Variants in PCDHGA9 observed in about 807,000 individuals in gnomAD.
PCDHGA9 encodes protocadherin gamma subfamily A, 9, also known as protocadherin gamma-A9.
Under a neutral mutation model 62.5 loss-of-function variants are expected in PCDHGA9, and 37 were observed. The observed-to-expected ratio is 0.59, with a 90% CI of 0.46 to 0.78. The LOEUF (loss-of-function observed/expected upper bound fraction) is 0.78. Ranked by LOEUF, PCDHGA9 falls within the 30% of genes least tolerant of loss-of-function variation. The pLI is 0.00. For synonymous variants in PCDHGA9, 459 were observed against 484.6 expected (o/e 0.95, Z 0.69); for missense variants, 1,138 against 1,166.2 (o/e 0.98, Z 0.35).
rs1264553327 is a variant in PCDHGA9, at chr5:141,403,819, T to A, written c.867T>A (p.Ser289=). ...YKFWKINEKQ[S]LLFQLNENTG... ...TCTGGAAAATTAATGAAAAACAATC[T>A]CTGCTATTCCAGCTTAATGAAAATA... The change falls in exon 1 of 4, where the codon TCT becomes TCA. Residue 289 remains serine (S), a synonymous_variant. Coordinates refer to ENST00000573521, the MANE Select transcript of PCDHGA9 (RefSeq NM_018921.3). 1.2e-6 allele frequency: 2 copies of A among 1,613,784 alleles called. No individual in the cohort carries two copies. Among genetic ancestry groups the A allele is most frequent in the Admixed American group, 3.3e-5 (2 of 60,024 alleles).
intron 1 of PCDHGA9, chr5:141,475,937 C>G (rs970582600): frequency 2.8e-5 from 19 of 676,764 alleles, no homozygotes; most frequent in African/African-American, 1.8e-4. Context: ...GGCCCCTGCC[C>G]GTCCCCTTTC....
At chr5:141,413,658 T>G (rs2154544690) in intron 1 of PCDHGA9, 1 of 1,613,860 alleles carries the variant, frequency 6.2e-7, no homozygotes, top group East Asian at 2.2e-5. Flanking sequence ...TCCCGGAAGC[T>G]ATTGATCCGG....
At chr5:141,423,397 C>T (rs759822483) in intron 1 of PCDHGA9, 3 of 1,614,146 alleles carry the variant, frequency 1.9e-6, no homozygotes, top group East Asian at 2.2e-5. Context: ...GCATAAGTCA[C>T]GCCTGCTGCA....
intron 1 of PCDHGA9, chr5:141,422,190 A>G (rs761351024): frequency 6.4e-7 from 1 of 1,561,412 alleles, no homozygotes. Flanking sequence ...TGGAAATTCA[A>G]GGCCAAGATG....
At chr5:141,466,027 CAGG>C (rs1174989171) in intron 1 of PCDHGA9, among the ~76,000 whole-genome samples, 1 of 151,890 alleles carries the variant, frequency 6.6e-6, no homozygotes, top group African/African-American at 2.4e-5. Context: ...GAGGGTGAGG[CAGG>C]AGAACGGCAT....
intron 1 of PCDHGA9, among the ~76,000 whole-genome samples, chr5:141,482,144 G>C (rs564178008): frequency 1.3e-4 from 20 of 151,858 alleles, no homozygotes; most frequent in Admixed American, 9.8e-4. Flanking sequence ...GGCATAAAAA[G>C]GTCAAGTCAA....
chr5:141,409,491 C>A (rs747701093), intron 1 of PCDHGA9: 1 of 1,613,876 alleles, frequency 6.2e-7, no homozygotes, highest in East Asian at 2.2e-5. Context: ...AGGGGCAAGC[C>A]GCCTCTTTCT....
At chr5:141,460,817 A>G (rs527681610) in intron 1 of PCDHGA9, among the ~76,000 whole-genome samples, 3 of 152,126 alleles carry the variant, frequency 2.0e-5, no homozygotes, top group South Asian at 2.1e-4. Context: ...ATGTATACAT[A>G]TATACACACT....
intron 1 of PCDHGA9, among the ~76,000 whole-genome samples, chr5:141,446,149 G>T (rs2098490670): frequency 6.6e-6 from 1 of 152,178 alleles, no homozygotes; most frequent in Non-Finnish European, 1.5e-5. Context: ...GGAATAGGTG[G>T]AATATAAATT....
chr5:141,422,355 T>A, intron 1 of PCDHGA9: 1 of 1,557,416 alleles, frequency 6.4e-7, no homozygotes, highest in Non-Finnish European at 8.6e-7. Flanking sequence ...AAGATCAAGA[T>A]TCTGGAGAAA....
At chr5:141,442,309 G>C (rs1483682583) in intron 1 of PCDHGA9, 1 of 152,418 alleles carries the variant, frequency 6.6e-6, no homozygotes, top group Non-Finnish European at 1.5e-5. Flanking sequence ...TCTTTCCCAC[G>C]GATGTCTATC....
rs369033480 is a variant in PCDHGA9, at chr5:141,403,210, C to G, written c.258C>G (p.Thr86=). ...ACCCGCGCAGCGGCACCTTGGTCAC[C>G]GCGGGTAGGATAGACCGGGAGGAGC... ...SLNPRSGTLV[T]AGRIDREELC... Residue 86 remains threonine, a synonymous_variant, in exon 1 of 4, where the codon ACC becomes ACG. Transcript: ENST00000573521. The G allele has an allele frequency of 6.2e-7, 1 of 1,613,946 alleles. No individual in the cohort carries two copies. Among genetic ancestry groups the G allele is most frequent in the Admixed American group, 1.7e-5 (1 of 60,034 alleles).
At chr5:141,410,006 G>T (rs1201569227) in intron 1 of PCDHGA9, 8 of 1,613,274 alleles carry the variant, frequency 5.0e-6, no homozygotes, top group Non-Finnish European at 5.1e-6. Context: ...GGGACACAAC[G>T]CCTGGCTGTC....
intron 1 of PCDHGA9, chr5:141,416,921 G>C (rs985660835): frequency 6.6e-6 from 1 of 151,994 alleles, no homozygotes; most frequent in Non-Finnish European, 1.5e-5. Flanking sequence ...TAGGGTCATA[G>C]TTATTAACTA....
In PCDHGA9 at chr5:141,432,487, G is replaced by A; in HGVS notation, c.2424+27111G>A. On this transcript the variant is annotated intron_variant, in intron 1 of 3. Coordinates refer to ENST00000573521, the MANE Select transcript of PCDHGA9 (RefSeq NM_018921.3). This position sits in a 1 kb window ranked among gnomAD's most constrained non-coding sequence, Gnocchi z 6.0. ...CCACGGACGGTTCCACTGGCGTGGA[G>A]CTGGCTCCCCGCTCCGCAGAGCCCG... 1.2e-6 allele frequency: 2 copies of A among 1,614,208 alleles called. No homozygotes were observed. The highest frequency in any genetic ancestry group is 2.2e-5 in the East Asian group (1 of 44,874).
intron 1 of PCDHGA9, among the ~76,000 whole-genome samples, chr5:141,448,422 T>C (rs1561930551): frequency 3.9e-5 from 6 of 152,150 alleles, no homozygotes; most frequent in Admixed American, 3.3e-4. Flanking sequence ...CAATATACTA[T>C]GTATATATTG....
intron 1 of PCDHGA9, chr5:141,409,896 C>T (rs1181128940): frequency 6.2e-7 from 1 of 1,613,240 alleles, no homozygotes; most frequent in East Asian, 2.2e-5. Flanking sequence ...GTGCTGTACC[C>T]AGCTCTGGGT....
rs754034325 is a variant in PCDHGA9 at position 141,413,380 on chromosome 5, C to T, written c.2424+8004C>T. On this transcript the variant is annotated intron_variant, in intron 1 of 3. Coordinates refer to ENST00000573521, the MANE Select transcript of PCDHGA9 (RefSeq NM_018921.3). ...CCGGGAGCTGGCGGAGCGCGGAGTC[C>T]GCATAGTCTCCAGAGGTAGGACGCA... is the stretch of plus-strand genomic sequence containing the variant. 4 of 1,613,962 alleles carry T rather than the reference C, an allele frequency of 2.5e-6. No individual in the cohort carries two copies. In the Middle Eastern group the frequency reaches 5.0e-4, roughly 200 times the overall value.
intron 1 of PCDHGA9, chr5:141,411,396 C>G (rs985023346): frequency 2.1e-5 from 3 of 145,420 alleles, no homozygotes; most frequent in African/African-American, 5.1e-5. Context: ...ATAGGGAGAC[C>G]CCCCATCTCT....
Sources: allele counts gnomAD v4.1 joint callset (sites outside exome capture counted in the v4.1 genomes callset), GRCh38; gene constraint gnomAD v4.1.1; non-coding constraint Gnocchi (gnomAD v3.1); transcripts MANE v1.5; gene names NCBI Gene and HGNC (gene_info 2026-07-23, HGNC 2026-07-21).